Variants in CLCA4 observed in about 807,000 individuals in gnomAD.
CLCA4 encodes the protein calcium-activated chloride channel regulator 4.
CLCA4 carries 69 observed loss-of-function variants against 78.9 expected under a neutral mutation model. The ratio of observed to expected loss-of-function variants is 0.87; its 90% confidence interval spans 0.72 to 1.07. CLCA4 has a LOEUF of 1.07. Ranked by LOEUF, CLCA4 falls within the 50% of genes least tolerant of loss-of-function variation. The pLI, the probability that CLCA4 is intolerant of heterozygous loss-of-function variation, is 0.00. For missense variants in CLCA4, 1,133 were observed against 1,095.8 expected (o/e 1.03, Z -0.48); for synonymous variants, 362 against 375.8 (o/e 0.96, Z 0.42).
chr1:86,561,984 C>CA (rs1650036040), intron 3 of CLCA4, among the ~76,000 whole-genome samples: 1 of 152,108 alleles, frequency 6.6e-6, no homozygotes, highest in Non-Finnish European at 1.5e-5. Context: ...ATCATGATAA[C>CA]ACCACCAACA....
chr1:86,557,401 A>T (rs927314851), intron 1 of CLCA4, among the ~76,000 whole-genome samples: 5 of 152,100 alleles, frequency 3.3e-5, no homozygotes, highest in Non-Finnish European at 7.4e-5. Flanking sequence ...GGATTCTGGT[A>T]TGTTGTATAT....
intron 11 of CLCA4, among the ~76,000 whole-genome samples, chr1:86,576,792 G>A (rs1275041387): frequency 6.6e-6 from 1 of 152,026 alleles, no homozygotes; most frequent in East Asian, 1.9e-4. Context: ...TACCAGGTCT[G>A]GCTGGTAGGA....
intron 3 of CLCA4, among the ~76,000 whole-genome samples, chr1:86,561,456 A>G (rs752272473): frequency 3.9e-5 from 6 of 152,214 alleles, no homozygotes; most frequent in Non-Finnish European, 7.3e-5. Flanking sequence ...AAACTAAGTG[A>G]CATGATTATA....
At position 86,565,285 on chromosome 1, in the gene CLCA4, G is replaced by C; in HGVS notation, c.569G>C (p.Gly190Ala). ...KKIEATRCSA[G>A]ISGRNRVYKC... Reference sequence around the variant, plus strand: ...TCATATATTTTCAGGTGTTCCGCAGGTATCTCTGGTAGAAATAGAGTTTAT... The same window carrying C: ...TCATATATTTTCAGGTGTTCCGCAGCTATCTCTGGTAGAAATAGAGTTTAT... Residue 190 changes from glycine (G) to alanine (A), a missense_variant, in exon 5 of 14, where the codon GGT becomes GCT. Physicochemically the swap from Gly to Ala is moderately conservative, Grantham distance 60. Coordinates refer to ENST00000370563, the MANE Select transcript of CLCA4 (RefSeq NM_012128.4). 6.3e-7 allele frequency: 1 copy of C among 1,592,538 alleles called. No homozygotes were observed.
chr1:86,559,922 T>C lies in CLCA4; in HGVS notation c.160-10T>C. 1 of 1,582,706 alleles carries C rather than the reference T, an allele frequency of 6.3e-7. No individual in the cohort carries two copies. The highest frequency in any genetic ancestry group is 8.6e-7 in the Non-Finnish European group (1 of 1,169,468). ...TCACCATCCTCACATATTTTTTCCT[T>C]TAATGACAGGATATGGTGACTACAG... On this transcript the variant is annotated splice_polypyrimidine_tract_variant and intron_variant, in intron 1 of 13. Transcript: ENST00000370563.
At position 86,580,357 on chromosome 1, in the gene CLCA4, G is replaced by A. The variant is rs1558204336; in HGVS notation, c.*12G>A. On this transcript the variant is annotated 3_prime_UTR_variant, in exon 14 of 14. Coordinates refer to ENST00000370563, the MANE Select transcript of CLCA4 (RefSeq NM_012128.4). ...GTACCACCATTTGAACCTTAACGAAGAAAAAAATCTTCAAGTAGACCTAGA... is the reference window on the plus strand; with the variant it reads ...GTACCACCATTTGAACCTTAACGAAAAAAAAAATCTTCAAGTAGACCTAGA... 2 of 1,539,156 alleles carry A rather than the reference G, an allele frequency of 1.3e-6. No individual in the cohort carries two copies. Among genetic ancestry groups the A allele is most frequent in the Non-Finnish European group, 8.7e-7 (1 of 1,149,514 alleles).
At chr1:86,552,225 G>A (rs1403552392) in intron 1 of CLCA4, among the ~76,000 whole-genome samples, 2 of 152,136 alleles carry the variant, frequency 1.3e-5, no homozygotes, top group Admixed American at 1.3e-4. Flanking sequence ...TGTATCTTAA[G>A]ACAAAATATT....
intron 4 of CLCA4, among the ~76,000 whole-genome samples, chr1:86,564,155 C>A (rs1483447518): frequency 6.6e-6 from 1 of 152,030 alleles, no homozygotes; most frequent in Non-Finnish European, 1.5e-5. Flanking sequence ...CTTCAAGGAG[C>A]CAAGCAGGAA....
At chr1:86,558,300 T>G (rs750141596) in intron 1 of CLCA4, among the ~76,000 whole-genome samples, 1 of 152,186 alleles carries the variant, frequency 6.6e-6, no homozygotes, top group African/African-American at 2.4e-5. Context: ...GGCTTTATAG[T>G]GACACTGGTC....
chr1:86,568,391 T>C (rs926413948), intron 7 of CLCA4, among the ~76,000 whole-genome samples: 1 of 148,730 alleles, frequency 6.7e-6, no homozygotes, highest in Admixed American at 6.8e-5. Context: ...TAATTTATTA[T>C]AAGTGTATAT....
chr1:86,557,131 A>C (rs887703074), intron 1 of CLCA4, among the ~76,000 whole-genome samples: 12 of 151,974 alleles, frequency 7.9e-5, no homozygotes, highest in Non-Finnish European at 1.6e-4. Context: ...TATATAGCTT[A>C]TAAATTTTTT....
chr1:86,576,418 A>C (rs2101818371), intron 11 of CLCA4, among the ~76,000 whole-genome samples: 1 of 152,166 alleles, frequency 6.6e-6, no homozygotes, highest in African/African-American at 2.4e-5. Context: ...CCTAGGCTTA[A>C]GCCACCCTCC....
At chr1:86,558,686 T>A (rs1649922436) in intron 1 of CLCA4, among the ~76,000 whole-genome samples, 1 of 152,148 alleles carries the variant, frequency 6.6e-6, no homozygotes, top group Admixed American at 6.5e-5. Context: ...AGAGCCGAGC[T>A]AAGGGGGAAG....
In CLCA4 at chr1:86,575,367, G is replaced by A. The variant is rs369837770; in HGVS notation, c.1719G>A (p.Ala573=). ...GTWAYNLQAK[A]NPETLTITVT... Reference sequence around the variant, plus strand: ...GGGCATACAATCTTCAAGCCAAAGCGAACCCAGAAACATTAACTATTACAG... The same window carrying A: ...GGGCATACAATCTTCAAGCCAAAGCAAACCCAGAAACATTAACTATTACAG... The change falls in exon 11 of 14, where the codon GCG becomes GCA. Residue 573 remains alanine, a synonymous_variant. Coordinates refer to ENST00000370563, the MANE Select transcript of CLCA4 (RefSeq NM_012128.4). 38 of 1,613,010 alleles carry A rather than the reference G, an allele frequency of 2.4e-5. No individual in the cohort carries two copies. Among genetic ancestry groups the A allele is most frequent in the Admixed American group, 5.0e-5 (3 of 59,902 alleles).
At chr1:86,555,437 C>A (rs1402738712) in intron 1 of CLCA4, among the ~76,000 whole-genome samples, 5 of 152,172 alleles carry the variant, frequency 3.3e-5, no homozygotes, top group Non-Finnish European at 7.3e-5. Flanking sequence ...GTTATCCCAG[C>A]ACCATTGATT....
At chr1:86,550,885 G>T (rs1370218599) in intron 1 of CLCA4, among the ~76,000 whole-genome samples, 1 of 146,962 alleles carries the variant, frequency 6.8e-6, no homozygotes, top group Non-Finnish European at 1.5e-5. Flanking sequence ...AGGCTGGAGT[G>T]CAGTGGTGCG....
At chr1:86,571,297 A>G in intron 8 of CLCA4, 43 bp downstream of exon 8, 1 of 1,549,088 alleles carries the variant, frequency 6.5e-7, no homozygotes, top group Non-Finnish European at 8.8e-7. Context: ...ATAGTAATGC[A>G]TAAATGTAAA....
At position 86,567,601 on chromosome 1, in the gene CLCA4, T is replaced by C. The variant is rs1650240726; in HGVS notation, c.1132T>C (p.Tyr378His). Reference sequence around the variant, plus strand: ...CACACTCATGGCAGGATTACCTACATATCCTCTGGGAGGAACTTCCATCTG... The same window carrying C: ...CACACTCATGGCAGGATTACCTACACATCCTCTGGGAGGAACTTCCATCTG... ...RNTLMAGLPT[Y>H]PLGGTSICSG... The change falls in exon 7 of 14, where the codon TAT (tyrosine) becomes CAT (histidine). Residue 378 changes from tyrosine (Y) to histidine (H), a missense_variant. Transcript: ENST00000370563. The C allele has an allele frequency of 6.2e-7, 1 of 1,613,162 alleles. No individual in the cohort carries two copies. The highest frequency in any genetic ancestry group is 8.5e-7 in the Non-Finnish European group (1 of 1,179,338).
Position 86,574,773 on chromosome 1 carries a change from A to T in CLCA4, c.1683+18A>T. On this transcript the variant is annotated intron_variant, in intron 10 of 13. Transcript: ENST00000370563. ...CTGCAAAGGTAAGCAATCAGCTTTT[A>T]GACTTCCTGTCAACATTTTTAAAAA... 6.4e-7 allele frequency: 1 copy of T among 1,564,350 alleles called. No homozygotes were observed. Among genetic ancestry groups the T allele is most frequent in the Non-Finnish European group, 8.8e-7 (1 of 1,135,624 alleles).
Sources: allele counts gnomAD v4.1 joint callset (sites outside exome capture counted in the v4.1 genomes callset), GRCh38; gene constraint gnomAD v4.1.1; transcripts MANE v1.5; gene names NCBI Gene and HGNC (gene_info 2026-07-23, HGNC 2026-07-21).